Variants in DSC2 observed in about 807,000 individuals in gnomAD.
DSC2 encodes desmocollin-2.
A neutral mutation model predicts 87.6 loss-of-function variants in DSC2; 51 were observed. The observed-to-expected ratio is 0.58, with a 90% CI of 0.46 to 0.74. DSC2 has a LOEUF of 0.74. Among genes scored for constraint, DSC2 ranks in the 30% least tolerant of loss-of-function variants. DSC2 has a pLI of 0.00. For synonymous variants in DSC2, 383 were observed against 393.2 expected (o/e 0.97, Z 0.31); for missense variants, 1,066 against 1,089.5 (o/e 0.98, Z 0.30).
At chr18:31,086,792 G>A (rs2144831138) in intron 6 of DSC2, 50 bp from the exon 7 acceptor site, 1 of 1,575,284 alleles carries the variant, frequency 6.3e-7, no homozygotes, top group South Asian at 1.1e-5. Context: ...CATGTTCTAT[G>A]TTCCCTTTAT....
intron 11 of DSC2, among the ~76,000 whole-genome samples, chr18:31,075,797 C>T (rs546036614): frequency 2.0e-4 from 31 of 151,994 alleles, no homozygotes; most frequent in African/African-American, 6.3e-4. Flanking sequence ...TTGCAGTGAG[C>T]GGAGATCACA....
At chr18:31,070,460 A>G (rs1353981999) in intron 14 of DSC2, among the ~76,000 whole-genome samples, 1 of 152,260 alleles carries the variant, frequency 6.6e-6, no homozygotes, top group Non-Finnish European at 1.5e-5. Flanking sequence ...CAAGGCTTAA[A>G]GTTGAAACCA....
rs541227766 is a variant in DSC2 at position 31,066,787 on chromosome 18, C to A, written c.*1228G>T. 1 of 152,166 alleles carries A rather than the reference C, an allele frequency of 6.6e-6. No homozygotes were observed. Among genetic ancestry groups the A allele is most frequent in the Admixed American group, 6.5e-5 (1 of 15,278 alleles). 9.4% of individuals were successfully genotyped at this position (152,166 alleles called of 1,614,324 possible). A position where few individuals can be genotyped will look rare whatever the true frequency, so the allele number is the denominator to read the frequency against. On this transcript the variant is annotated 3_prime_UTR_variant, in exon 16 of 16. Coordinates refer to ENST00000280904, the MANE Select transcript of DSC2 (RefSeq NM_024422.6). ...AATATTAAAAAAATAACTTTACAAA[C>A]ACACAGATATGACTAGCCATTTTAT...
chr18:31,094,360 T>C (rs1173378445), intron 1 of DSC2, among the ~76,000 whole-genome samples: 1 of 152,232 alleles, frequency 6.6e-6, no homozygotes, highest in Non-Finnish European at 1.5e-5. Context: ...CACATAACTT[T>C]GAAATATAAA....
At position 31,072,785 on chromosome 18, in the gene DSC2, A is replaced by G. The variant is rs115542568; in HGVS notation, c.1889-944T>C. ...ATTCTCATTTTCTGCATAGTATTTG[A>G]AGCTCTAAATACAAATTTGAATGCT... is the stretch of plus-strand genomic sequence containing the variant. On this transcript the variant is annotated intron_variant, in intron 12 of 15. Transcript: ENST00000280904. Among the ~76,000 whole-genome samples the G allele has an allele frequency of 8.3e-3, 1,264 of 152,318 alleles. 26 individuals are homozygous for G. Among genetic ancestry groups the G allele is most frequent in the African/African-American group, 0.028 (1,165 of 41,572 alleles).
chr18:31,081,247 C>T (rs185307727), intron 9 of DSC2, among the ~76,000 whole-genome samples: 33 of 152,226 alleles, frequency 2.2e-4, no homozygotes, highest in Non-Finnish European at 3.5e-4. Context: ...TTATGGGCAT[C>T]ATATTTTCTT....
chr18:31,099,080 T>G (rs767237516), intron 1 of DSC2, among the ~76,000 whole-genome samples: 3 of 152,194 alleles, frequency 2.0e-5, no homozygotes, highest in Admixed American at 2.0e-4. Context: ...AGATAATAAA[T>G]GCTGTGTCAC....
At chr18:31,098,465 T>C (rs1224726198) in intron 1 of DSC2, among the ~76,000 whole-genome samples, 2 of 152,236 alleles carry the variant, frequency 1.3e-5, no homozygotes, top group East Asian at 1.9e-4. Flanking sequence ...TTAGACACTT[T>C]TTTTTTTCTA....
At position 31,102,031 on chromosome 18, in the gene DSC2, GGGCGAGGGC is replaced by G; in HGVS notation, c.-69_-61del. On this transcript the variant is annotated 5_prime_UTR_variant, in exon 1 of 16. Coordinates refer to ENST00000280904, the MANE Select transcript of DSC2 (RefSeq NM_024422.6). ...CGGGCCGGGGTAGGAGGGCTCCGCG[GGGCGAGGGC>G]CGCGGCCGGAGCGCAGTCTGGGCCC... The G allele has an allele frequency of 1.5e-6, 2 of 1,348,962 alleles. No homozygotes were observed. Among genetic ancestry groups the G allele is most frequent in the Non-Finnish European group, 9.6e-7 (1 of 1,044,860 alleles). The allele number at this position is 1,348,962 out of a possible 1,614,324, so 83.6% of individuals were successfully genotyped here.
intron 12 of DSC2, among the ~76,000 whole-genome samples, chr18:31,073,373 GCACACACACA>G (rs34582584): frequency 2.7e-4 from 40 of 147,080 alleles, no homozygotes; most frequent in African/African-American, 5.5e-4. Context: ...ACACACACAC[GCACACACACA>G]CACACACACA....
intron 11 of DSC2, among the ~76,000 whole-genome samples, chr18:31,079,586 T>C (rs894945520): frequency 6.6e-6 from 1 of 152,210 alleles, no homozygotes; most frequent in Admixed American, 6.5e-5. Context: ...ATTTTCTCAA[T>C]TTTTAATAAT....
chr18:31,095,992 G>A (rs1988359452), intron 1 of DSC2, among the ~76,000 whole-genome samples: 1 of 152,044 alleles, frequency 6.6e-6, no homozygotes, highest in African/African-American at 2.4e-5. Flanking sequence ...CGGGGGCAGA[G>A]GTATAACATG....
rs1245840726 is a variant in DSC2, at chr18:31,058,967, A to G, written c.*9048T>C. The G allele has an allele frequency of 3.3e-5, 5 of 152,278 alleles. No individual in the cohort carries two copies. Among genetic ancestry groups the G allele is most frequent in the Non-Finnish European group, 7.3e-5 (5 of 68,028 alleles). The allele number at this position is 152,278 out of a possible 1,614,324, so 9.4% of individuals were successfully genotyped here. On this transcript the variant is annotated 3_prime_UTR_variant, in exon 16 of 16. Coordinates refer to ENST00000280904, the MANE Select transcript of DSC2 (RefSeq NM_024422.6). ...TACCAAATAAATTTTAACACCGAAC[A>G]TTTACATAGAACTATGTTCTAGCAA...
chr18:31,072,748 G>A (rs549891556), intron 12 of DSC2, among the ~76,000 whole-genome samples: 77 of 152,270 alleles, frequency 5.1e-4, no homozygotes, highest in African/African-American at 1.8e-3. Flanking sequence ...CCACATAGCT[G>A]CCCAGTATGA....
chr18:31,068,708 G>A (rs1986714308), intron 15 of DSC2, among the ~76,000 whole-genome samples, 186 bp downstream of exon 15: 1 of 152,078 alleles, frequency 6.6e-6, no homozygotes, highest in African/African-American at 2.4e-5. Flanking sequence ...AAAAAAATAG[G>A]AGGGGAAGTA....
chr18:31,090,984 A>T (rs1341122103), intron 4 of DSC2, 44 bp downstream of exon 4: 1 of 1,613,336 alleles, frequency 6.2e-7, no homozygotes, highest in Non-Finnish European at 8.5e-7. Context: ...ATGGTAAGAG[A>T]TGGAAACTAT....
chr18:31,096,168 A>G (rs1987755360), intron 1 of DSC2, among the ~76,000 whole-genome samples: 1 of 152,234 alleles, frequency 6.6e-6, no homozygotes, highest in African/African-American at 2.4e-5. Flanking sequence ...GAGAATGGAA[A>G]AAACTGTCAT....
rs766828422 is a variant in DSC2, at chr18:31,069,036, C to T, written c.2366G>A (p.Gly789Glu). Residue 789 changes from glycine to glutamate, a missense_variant, in exon 15 of 16, where the codon GGA becomes GAA. Gly to Glu is a moderately conservative substitution (Grantham distance 98). Transcript: ENST00000280904. ...GGQETIEMVKGGHQTSESCRG... is the reference protein window; with the variant it reads ...GGQETIEMVKEGHQTSESCRG... ...GCAGGATTCCGAGGTCTGGTGTCCT[C>T]CTTTCACCATTTCGATGGTCTCCTG... 7.4e-6 allele frequency: 12 copies of T among 1,613,926 alleles called. No homozygotes were observed. The African/African-American group carries it at 9.3e-5, about 13-fold the overall frequency.
chr18:31,087,045 C>T (rs1305151049), intron 6 of DSC2, among the ~76,000 whole-genome samples: 2 of 152,172 alleles, frequency 1.3e-5, no homozygotes, highest in African/African-American at 2.4e-5. Context: ...TATTCTATAA[C>T]TTTTCTCTGT....
Sources: gnomAD v4.1 joint callset for allele counts (sites outside exome capture counted in the v4.1 genomes callset) on GRCh38, gnomAD v4.1.1 for gene constraint, MANE v1.5 for transcripts, NCBI Gene and HGNC (gene_info 2026-07-23, HGNC 2026-07-21) for gene names.